MEGF9: variants seen among roughly 807,000 people sequenced by gnomAD.
MEGF9 encodes multiple EGF like domains 9.
MEGF9 carries 6 observed loss-of-function variants against 46.8 expected under a neutral mutation model. The observed-to-expected ratio is 0.13, with a 90% confidence interval of 0.07 to 0.25. The LOEUF (loss-of-function observed/expected upper bound fraction) is 0.25. Ranked by LOEUF, MEGF9 falls within the 10% of genes least tolerant of loss-of-function variation. The probability of loss-of-function intolerance (pLI) is 1.00; values close to 1 mark genes in which losing one functional copy is unlikely to be tolerated. For synonymous variants in MEGF9, 302 were observed against 330.7 expected, an observed-to-expected ratio of 0.91 and a Z score of 0.94; for missense variants, 683 against 792.4, an observed-to-expected ratio of 0.86 and a Z score of 1.66.
chr9:120,647,816 C>G (rs566701839), intron 2 of MEGF9, among the ~76,000 whole-genome samples: 26 of 152,270 alleles, frequency 1.7e-4, no homozygotes, highest in African/African-American at 6.3e-4. Flanking sequence ...CTAACATCAT[C>G]ATGTCCCTCC....
intron 2 of MEGF9, among the ~76,000 whole-genome samples, chr9:120,627,882 A>G (rs967722768): frequency 6.6e-6 from 1 of 152,226 alleles, no homozygotes; most frequent in Non-Finnish European, 1.5e-5. Flanking sequence ...ACAATAAGAA[A>G]CACAATTAAG....
At chr9:120,629,934 A>G (rs1237084276) in intron 2 of MEGF9, among the ~76,000 whole-genome samples, 7 of 137,596 alleles carry the variant, frequency 5.1e-5, no homozygotes, top group Non-Finnish European at 9.0e-5. Context: ...CTCCGTCTCA[A>G]AAAAAAAAAA....
At chr9:120,705,308 A>G (rs1004759679) in intron 1 of MEGF9, among the ~76,000 whole-genome samples, 1 of 152,022 alleles carries the variant, frequency 6.6e-6, no homozygotes, top group South Asian at 2.1e-4. Flanking sequence ...GCATGCTGAC[A>G]CTAACACATC....
rs1170984687 is a variant in MEGF9 at position 120,622,733 on chromosome 9, C to G, written c.826G>C (p.Val276Leu). 1 of 1,613,620 alleles carries G rather than the reference C, an allele frequency of 6.2e-7. No individual in the cohort carries two copies. Among genetic ancestry groups the G allele is most frequent in the East Asian group, 2.2e-5 (1 of 44,864 alleles). The change falls in exon 3 of 6, where the codon GTG becomes CTG. Residue 276 changes from valine to leucine, a missense_variant. Coordinates refer to ENST00000373930, the MANE Select transcript of MEGF9 (RefSeq NM_001080497.3). The part of the protein sequence containing the change: ...CNSSGKCQCK[V>L]GVIGSICDRC... ...TCACATATAGAGCCAATGACACCCA[C>G]TTTGCACTGGCATTTCCCAGAACTG...
intron 1 of MEGF9, among the ~76,000 whole-genome samples, chr9:120,662,564 C>T (rs2043707322): frequency 6.6e-6 from 1 of 152,198 alleles, no homozygotes; most frequent in African/African-American, 2.4e-5. Context: ...TAACCTTAGG[C>T]AAGTTAATTA....
At chr9:120,671,021 C>T (rs562751081) in intron 1 of MEGF9, among the ~76,000 whole-genome samples, 30 of 152,334 alleles carry the variant, frequency 2.0e-4, no homozygotes, top group African/African-American at 6.5e-4. Flanking sequence ...CTAAACTCTA[C>T]TAAAAATGCT....
chr9:120,691,704 G>A (rs965122074), intron 1 of MEGF9, among the ~76,000 whole-genome samples: 1 of 152,134 alleles, frequency 6.6e-6, no homozygotes, highest in Non-Finnish European at 1.5e-5. Flanking sequence ...ATTCTATGAT[G>A]TAGGCTGACA....
chr9:120,690,077 G>A (rs746633132), intron 1 of MEGF9: 30 of 463,034 alleles, frequency 6.5e-5, no homozygotes, highest in African/African-American at 1.6e-4. Context: ...AGGAGTTCAC[G>A]CTGGGCTCCC....
intron 1 of MEGF9, among the ~76,000 whole-genome samples, chr9:120,712,109 T>A (rs1322326116): frequency 3.9e-5 from 6 of 151,906 alleles, no homozygotes; most frequent in Non-Finnish European, 5.9e-5. Flanking sequence ...ATACAAAAAA[T>A]TAGCTGGGTG....
chr9:120,626,717 C>A (rs1375744169), intron 2 of MEGF9, among the ~76,000 whole-genome samples: 1 of 152,122 alleles, frequency 6.6e-6, no homozygotes, highest in South Asian at 2.1e-4. Flanking sequence ...ATGGAAAAAA[C>A]CAGCCCGAGG....
At chr9:120,687,513 T>C (rs762711510) in intron 1 of MEGF9, among the ~76,000 whole-genome samples, 17 of 151,762 alleles carry the variant, frequency 1.1e-4, no homozygotes, top group South Asian at 6.2e-4. Context: ...ATAAGAAAAA[T>C]GAGATATTGT....
chr9:120,622,377 T>C (rs1196660673), intron 3 of MEGF9, among the ~76,000 whole-genome samples: 1 of 150,656 alleles, frequency 6.6e-6, no homozygotes. Context: ...TTTCTGGAAT[T>C]TTAGTTCCTA....
At chr9:120,614,534 T>C (rs1242280283) in intron 3 of MEGF9, among the ~76,000 whole-genome samples, 4 of 152,188 alleles carry the variant, frequency 2.6e-5, no homozygotes, top group African/African-American at 9.7e-5. Context: ...CAGATCTTCT[T>C]GTATCATGAT....
chr9:120,609,415 T>G (rs1331310653), intron 4 of MEGF9, among the ~76,000 whole-genome samples: 1 of 152,218 alleles, frequency 6.6e-6, no homozygotes, highest in Non-Finnish European at 1.5e-5. Flanking sequence ...ATAGGGTTAG[T>G]CTATGCTTAA....
At chr9:120,691,346 A>T (rs1277818779) in intron 1 of MEGF9, 2 of 397,856 alleles carry the variant, frequency 5.0e-6, no homozygotes, top group Non-Finnish European at 1.0e-5. Context: ...TCATAACCCT[A>T]CTCTGTTAAT....
chr9:120,696,851 G>T (rs2043879345), intron 1 of MEGF9, among the ~76,000 whole-genome samples: 1 of 152,146 alleles, frequency 6.6e-6, no homozygotes. Flanking sequence ...CACATCTATA[G>T]TTGTATAGTA....
At chr9:120,711,391 A>G (rs2043952501) in intron 1 of MEGF9, among the ~76,000 whole-genome samples, 1 of 152,244 alleles carries the variant, frequency 6.6e-6, no homozygotes, top group Non-Finnish European at 1.5e-5. Flanking sequence ...CAAAACATGT[A>G]TAGAATTATT....
intron 4 of MEGF9, among the ~76,000 whole-genome samples, chr9:120,611,832 A>AAAAGGAAGGAAGGAAGG (rs2043447046): frequency 7.2e-6 from 1 of 139,262 alleles, no homozygotes; most frequent in African/African-American, 2.9e-5. Context: ...GAAAAGAAAG[A>AAAAGGAAGGAAGGAAGG]AAGGAAGGAA....
chr9:120,669,508 T>C (rs1351834767), intron 1 of MEGF9, among the ~76,000 whole-genome samples: 1 of 151,332 alleles, frequency 6.6e-6, no homozygotes, highest in Non-Finnish European at 1.5e-5. Flanking sequence ...AGCACGTAAA[T>C]ACTAGCCAAA....
Sources: gnomAD v4.1 joint callset for allele counts (sites outside exome capture counted in the v4.1 genomes callset) on GRCh38, gnomAD v4.1.1 for gene constraint, MANE v1.5 for transcripts, NCBI Gene and HGNC (gene_info 2026-07-23, HGNC 2026-07-21) for gene names.